The following DNMT1 variants were observed in gnomAD, a reference collection of about 807,000 sequenced individuals.
DNMT1 encodes the protein DNA (cytosine-5)-methyltransferase 1.
Under a neutral mutation model 205.3 loss-of-function variants are expected in DNMT1, and 24 were observed. That is an observed-to-expected ratio of 0.12 (90% CI 0.08 to 0.16). DNMT1 has a LOEUF of 0.16. Among genes scored for constraint, DNMT1 ranks in the 10% least tolerant of loss-of-function variants. The pLI is 1.00. For missense variants in DNMT1, 1,293 were observed against 2,177.7 expected, an observed-to-expected ratio of 0.59 and a Z score of 8.09; for synonymous variants, 817 against 839.8, an observed-to-expected ratio of 0.97 and a Z score of 0.47.
chr19:10,140,010 C>A lies in DNMT1; in HGVS notation c.3806+36G>T. The A allele has an allele frequency of 1.2e-6, 2 of 1,603,080 alleles. No homozygotes were observed. Among genetic ancestry groups the A allele is most frequent in the South Asian group, 2.2e-5 (2 of 91,050 alleles). On this transcript the variant is annotated intron_variant, in intron 33 of 40. Coordinates refer to ENST00000359526, the MANE Select transcript of DNMT1 (RefSeq NM_001130823.3). The surrounding 1 kb of genome is among the most constrained non-coding windows in gnomAD (Gnocchi z 8.4). Reference sequence around the variant, plus strand: ...TGCTGACATGCGGCACAGCCCCGGGCCGTCTGGCAACACTGGGGGGCTTCT... The same window carrying A: ...TGCTGACATGCGGCACAGCCCCGGGACGTCTGGCAACACTGGGGGGCTTCT...
chr19:10,154,265 G>A lies in DNMT1; in HGVS notation c.2019+28C>T. On this transcript the variant is annotated intron_variant, in intron 22 of 40. Coordinates refer to ENST00000359526, the MANE Select transcript of DNMT1 (RefSeq NM_001130823.3). The surrounding 1 kb of genome is among the most constrained non-coding windows in gnomAD (Gnocchi z 6.3). The stretch of plus-strand genomic sequence containing the variant: ...GGCCAGAGGCTGGGCCACCTTAGGG[G>A]AGCGGGAGCACCCACAGGTGAGGTT... 2 of 1,612,612 alleles carry A rather than the reference G, an allele frequency of 1.2e-6. No individual in the cohort carries two copies. Among genetic ancestry groups the A allele is most frequent in the Non-Finnish European group, 1.7e-6 (2 of 1,178,814 alleles).
chr19:10,182,885 T>TA (rs1169836068), intron 1 of DNMT1, among the ~76,000 whole-genome samples: 2 of 151,356 alleles, frequency 1.3e-5, no homozygotes, highest in Non-Finnish European at 2.9e-5. Context: ...AAGCTGGTCT[T>TA]AGATTCCTGA....
At chr19:10,152,270 TA>T (rs372986537) in intron 22 of DNMT1, among the ~76,000 whole-genome samples, 1,863 of 97,664 alleles carry the variant, frequency 0.019, 17 homozygotes, top group Admixed American at 0.026. Flanking sequence ...CTCAAAAAAT[TA>T]AAAAAAAAAA....
chr19:10,135,967 C>T (rs1240905218), intron 38 of DNMT1, 115 bp from the exon 39 acceptor site: 2 of 1,486,372 alleles, frequency 1.3e-6, no homozygotes, highest in African/African-American at 2.8e-5. Context: ...GGCCTATGAG[C>T]TTGTCCCGTG....
At chr19:10,160,607 T>C (rs1406188942) in intron 13 of DNMT1, among the ~76,000 whole-genome samples, 189 bp from the exon 14 acceptor site, 6 of 152,164 alleles carry the variant, frequency 3.9e-5, no homozygotes, top group East Asian at 1.9e-4. Context: ...CAAAATCTTA[T>C]AGTCAGGCCC....
chr19:10,139,760 G>T lies in DNMT1; in HGVS notation c.3864C>A (p.Val1288=). 6.2e-7 allele frequency: 1 copy of T among 1,610,146 alleles called. No homozygotes were observed. The highest frequency in any genetic ancestry group is 1.1e-5 in the South Asian group (1 of 90,110). ...TCAGGACCATGGAGCGCTTGAAGGAGACAAAGTTCCTGACATTCTCCAGGA... is the reference window on the plus strand; with the variant it reads ...TCAGGACCATGGAGCGCTTGAAGGATACAAAGTTCCTGACATTCTCCAGGA... The part of the protein sequence containing the change: ...FFLLENVRNF[V]SFKRSMVLKL... Residue 1288 remains valine (V), a synonymous_variant, in exon 34 of 41, where the codon GTC becomes GTA. Transcript: ENST00000359526.
chr19:10,168,561 T>C (rs984987259), intron 9 of DNMT1, among the ~76,000 whole-genome samples, 197 bp from the exon 10 acceptor site: 1 of 152,166 alleles, frequency 6.6e-6, no homozygotes, highest in Non-Finnish European at 1.5e-5. Flanking sequence ...GGATCACTTG[T>C]GCCAGGTGTT....
At chr19:10,191,141 C>T (rs567655451) in intron 1 of DNMT1, among the ~76,000 whole-genome samples, 25 of 151,502 alleles carry the variant, frequency 1.7e-4, no homozygotes, top group Admixed American at 3.3e-4. Context: ...ATTAGCTGGG[C>T]GTGGTGGTGC....
intron 1 of DNMT1, among the ~76,000 whole-genome samples, chr19:10,182,929 G>A (rs181277492): frequency 1.7e-4 from 26 of 151,446 alleles, no homozygotes; most frequent in Admixed American, 1.7e-3. Flanking sequence ...GTCTCCTGAA[G>A]TGCTAGGATT....
chr19:10,155,971 A>G (rs992275322), intron 18 of DNMT1, 26 bp from the exon 19 acceptor site: 2 of 1,605,610 alleles, frequency 1.2e-6, no homozygotes, highest in Admixed American at 3.4e-5. Flanking sequence ...GAAATGGACT[A>G]AAGGCTCTGA....
rs2038467931 is a variant in DNMT1, at chr19:10,156,911, C to T, written c.1281-402G>A. On this transcript the variant is annotated intron_variant, in intron 17 of 40. Coordinates refer to ENST00000359526, the MANE Select transcript of DNMT1 (RefSeq NM_001130823.3). This position sits in a 1 kb window ranked among gnomAD's most constrained non-coding sequence, Gnocchi z 4.2. ...GGGATTACAGGCTGAACCACCATGCCTGGCCCCGACACTCATTTTTTGGTT... is the reference window on the plus strand; with the variant it reads ...GGGATTACAGGCTGAACCACCATGCTTGGCCCCGACACTCATTTTTTGGTT... Among the ~76,000 whole-genome samples, 1 of 152,192 alleles carries T rather than the reference C, an allele frequency of 6.6e-6. No homozygotes were observed. The highest frequency in any genetic ancestry group is 6.5e-5 in the Admixed American group (1 of 15,270).
At chr19:10,135,658 C>T (rs1158348224) in intron 39 of DNMT1, 78 bp downstream of exon 39, 24 of 1,483,476 alleles carry the variant, frequency 1.6e-5, no homozygotes, top group Non-Finnish European at 2.1e-5. Context: ...GAAGTGACTG[C>T]GCTGGCCCCA....
intron 1 of DNMT1, among the ~76,000 whole-genome samples, chr19:10,189,624 G>A (rs2039262868): frequency 6.7e-6 from 1 of 148,910 alleles, no homozygotes; most frequent in Admixed American, 6.8e-5. Context: ...TTCCTATGTT[G>A]CCCAGACTAG....
In DNMT1 at chr19:10,149,011, T is replaced by C. The variant is rs1176297175; in HGVS notation, c.2593A>G (p.Met865Val). 2 of 1,614,104 alleles carry C rather than the reference T, an allele frequency of 1.2e-6. No homozygotes were observed. Among genetic ancestry groups the C allele is most frequent in the Non-Finnish European group, 1.7e-6 (2 of 1,180,002 alleles). Reference sequence around the variant, plus strand: ...CCCTCCAGCAGGGACTCGGGATCCATGCCTCCCTTGGGAGATAAGAATGCG... The same window carrying C: ...CCCTCCAGCAGGGACTCGGGATCCACGCCTCCCTTGGGAGATAAGAATGCG... ...PSENWAMEGG[M>V]DPESLLEGDD... The change falls in exon 27 of 41, where the codon ATG becomes GTG. Residue 865 changes from methionine (M) to valine (V), a missense_variant. By Grantham distance (21) the Met-to-Val change is conservative. Around this residue, in one of 13 missense-constraint regions of DNMT1, gnomAD observed 197 missense variants for 353.6 expected, o/e 0.56. Coordinates refer to ENST00000359526, the MANE Select transcript of DNMT1 (RefSeq NM_001130823.3).
intron 1 of DNMT1, among the ~76,000 whole-genome samples, chr19:10,182,549 G>GTA (rs531273804): frequency 0.016 from 2,331 of 144,542 alleles, 70 homozygotes; most frequent in African/African-American, 0.05. Flanking sequence ...ATACATATGT[G>GTA]TATATATATA....
intron 3 of DNMT1, 32 bp from the exon 4 acceptor site, chr19:10,180,601 T>C: frequency 6.2e-7 from 1 of 1,603,982 alleles, no homozygotes; most frequent in East Asian, 2.2e-5. Flanking sequence ...TAAGTAGCAG[T>C]GAATGTAAAC....
Position 10,142,044 on chromosome 19 carries a change from C to T in DNMT1, c.3293G>A (p.Arg1098His), listed in dbSNP as rs377078524. The change falls in exon 30 of 41, where the codon CGC (arginine) becomes CAC (histidine). Residue 1098 changes from arginine to histidine, a missense_variant. Physicochemically the swap from Arg to His is conservative, Grantham distance 29. Around this residue, in one of 13 missense-constraint regions of DNMT1, gnomAD observed 167 missense variants for 258.1 expected, o/e 0.65. Coordinates refer to ENST00000359526, the MANE Select transcript of DNMT1 (RefSeq NM_001130823.3). ...VQVYSMGGPNRFYFLEAYNAK... is the reference protein window; with the variant it reads ...VQVYSMGGPNHFYFLEAYNAK... ...GGGCACCACCTCGAGGAAGTAGAAG[C>T]GGTTGGGGCCGCCCATGGAGTACAC... The T allele has an allele frequency of 5.6e-6, 9 of 1,612,278 alleles. No individual in the cohort carries two copies. The highest frequency in any genetic ancestry group is 1.7e-5 in the Admixed American group (1 of 59,988).
chr19:10,135,933 G>A, intron 38 of DNMT1, 81 bp from the exon 39 acceptor site: 1 of 1,503,866 alleles, frequency 6.6e-7, no homozygotes, highest in South Asian at 1.2e-5. Context: ...AAATGGCACT[G>A]TGACAGCATA....
chr19:10,176,408 T>A (rs2038939336), intron 6 of DNMT1, among the ~76,000 whole-genome samples: 1 of 152,178 alleles, frequency 6.6e-6, no homozygotes, highest in East Asian at 1.9e-4. Flanking sequence ...AAGGAATCTA[T>A]AACTTTAAGG....
Sources: allele counts gnomAD v4.1 joint callset (sites outside exome capture counted in the v4.1 genomes callset), GRCh38; gene constraint gnomAD v4.1.1; regional missense constraint gnomAD v4.1.1; non-coding constraint Gnocchi (gnomAD v3.1); transcripts MANE v1.5; gene names NCBI Gene and HGNC (gene_info 2026-07-23, HGNC 2026-07-21).